ALDH1A2: variants seen among roughly 807,000 people sequenced by gnomAD.
ALDH1A2 encodes the protein aldehyde dehydrogenase 1 family member A2.
In ALDH1A2, 27 loss-of-function variants were observed where a neutral mutation model predicts 60.3. The ratio of observed to expected loss-of-function variants is 0.45; its 90% CI spans 0.33 to 0.62. The LOEUF (loss-of-function observed/expected upper bound fraction) is 0.62, where lower values mean the gene tolerates loss of function less well. Ranked by LOEUF, ALDH1A2 falls within the 20% of genes least tolerant of loss-of-function variation. The probability of loss-of-function intolerance (pLI) is 0.02; values close to 1 mark genes in which losing one functional copy is unlikely to be tolerated. For missense variants in ALDH1A2, 581 were observed against 643.8 expected (o/e 0.90, Z 1.06); for synonymous variants, 289 against 232.4 (o/e 1.24, Z -2.21).
At chr15:57,960,959 A>C in intron 11 of ALDH1A2, 115 bp from the exon 12 acceptor site, 2 of 1,337,874 alleles carry the variant, frequency 1.5e-6, no homozygotes, top group Non-Finnish European at 2.1e-6. Context: ...CCAGAGGAAA[A>C]AATTGTAATT....
Position 57,995,530 on chromosome 15 carries a change from T to C in ALDH1A2, c.494-391A>G, listed in dbSNP as rs147741410. 9.2e-5 allele frequency among the ~76,000 whole-genome samples: 14 copies of C among 152,206 alleles called. No homozygotes were observed. In the East Asian group the frequency reaches 2.5e-3, roughly 27 times the overall value. ...TGAGTCAACAAACCTTTAAATAACT[T>C]TCTGAAGTATTAAAATAAACTAAGT... is the stretch of plus-strand genomic sequence containing the variant. On this transcript the variant is annotated intron_variant, in intron 4 of 12. Coordinates refer to ENST00000249750, the MANE Select transcript of ALDH1A2 (RefSeq NM_003888.4).
chr15:58,022,907 T>A (rs1259084608), intron 1 of ALDH1A2, among the ~76,000 whole-genome samples: 1 of 152,196 alleles, frequency 6.6e-6, no homozygotes, highest in African/African-American at 2.4e-5. Flanking sequence ...CCAACTGTTA[T>A]ACCAGATGTG....
intron 9 of ALDH1A2, among the ~76,000 whole-genome samples, chr15:57,962,719 T>C (rs1363134768): frequency 6.6e-6 from 1 of 151,656 alleles, no homozygotes; most frequent in East Asian, 1.9e-4. Context: ...AAAAACAAGG[T>C]CAGTCTTCCC....
chr15:57,974,432 CAAAA>C (rs61170362), intron 7 of ALDH1A2, among the ~76,000 whole-genome samples: 6 of 96,720 alleles, frequency 6.2e-5, no homozygotes, highest in Admixed American at 4.7e-4. Flanking sequence ...GACTCCATCT[CAAAA>C]AAAAAAAAAA....
intron 7 of ALDH1A2, among the ~76,000 whole-genome samples, chr15:57,971,967 C>G (rs1321467777): frequency 6.6e-6 from 1 of 152,156 alleles, no homozygotes; most frequent in Admixed American, 6.5e-5. Context: ...TGGGCTCACA[C>G]GATCTTCTGG....
intron 7 of ALDH1A2, among the ~76,000 whole-genome samples, chr15:57,972,394 G>C (rs924596850): frequency 1.1e-4 from 17 of 152,154 alleles, no homozygotes; most frequent in African/African-American, 4.1e-4. Flanking sequence ...TGTTACATAA[G>C]ACTCTATTTC....
At chr15:58,064,206 C>G (rs943013970) in intron 1 of ALDH1A2, among the ~76,000 whole-genome samples, 16 of 152,174 alleles carry the variant, frequency 1.1e-4, no homozygotes, top group Admixed American at 1.0e-3. Context: ...GTTCCTAAAC[C>G]CAGACAAGTG....
At chr15:57,988,829 G>A (rs1894798046) in intron 7 of ALDH1A2, among the ~76,000 whole-genome samples, 1 of 152,146 alleles carries the variant, frequency 6.6e-6, no homozygotes, top group African/African-American at 2.4e-5. Flanking sequence ...TTCTTGTCTG[G>A]CCTGAAAGAG....
chr15:58,063,530 G>C (rs1277130692), intron 1 of ALDH1A2, among the ~76,000 whole-genome samples: 2 of 151,968 alleles, frequency 1.3e-5, no homozygotes, highest in Non-Finnish European at 2.9e-5. Flanking sequence ...GATACCAAAA[G>C]AGCAGCTTCT....
At chr15:57,990,005 A>G (rs1439680691) in intron 7 of ALDH1A2, among the ~76,000 whole-genome samples, 1 of 59,472 alleles carries the variant, frequency 1.7e-5, no homozygotes, top group African/African-American at 4.9e-5. Flanking sequence ...GTCTCAAAAA[A>G]AAAAAAAAAA....
intron 7 of ALDH1A2, among the ~76,000 whole-genome samples, chr15:57,972,261 C>T (rs1894094422): frequency 2.0e-5 from 3 of 152,302 alleles, no homozygotes; most frequent in Middle Eastern, 3.4e-3. Flanking sequence ...GGCTCTTCTC[C>T]CTCCTCTTCT....
rs1170772271 is a variant in ALDH1A2, at chr15:58,013,968, G to A, written c.253C>T (p.Arg85Cys). 11 of 1,614,040 alleles carry A rather than the reference G, an allele frequency of 6.8e-6. No homozygotes were observed. In the East Asian group the frequency reaches 8.9e-5, roughly 13 times the overall value. The change falls in exon 3 of 13, where the codon CGC (arginine) becomes TGC (cysteine). Residue 85 changes from arginine (R) to cysteine (C), a missense_variant. Arg to Cys is a radical substitution (Grantham distance 180, BLOSUM62 -3). This residue lies in a region of ALDH1A2 where 206 missense variants were observed against 174.1 expected (regional missense o/e 1.18). Coordinates refer to ENST00000249750, the MANE Select transcript of ALDH1A2 (RefSeq NM_003888.4). Reference protein sequence around the residue: ...ADIDKAVQAARLAFSLGSVWR... With the variant: ...ADIDKAVQAACLAFSLGSVWR... ...ACTGAACCAAGAGAGAAAGCCAGGC[G>A]GGCTGCCTGCACTGCTTTGTCTATA... is the stretch of plus-strand genomic sequence containing the variant.
chr15:58,062,634 C>G (rs1224764196), intron 1 of ALDH1A2, among the ~76,000 whole-genome samples: 1 of 152,148 alleles, frequency 6.6e-6, no homozygotes, highest in Non-Finnish European at 1.5e-5. Context: ...CTCTTGGTAC[C>G]AAATTGGTCC....
At chr15:57,989,680 A>ATGT (rs1894828067) in intron 7 of ALDH1A2, among the ~76,000 whole-genome samples, 1 of 45,926 alleles carries the variant, frequency 2.2e-5, no homozygotes, top group South Asian at 3.8e-4. Flanking sequence ...GCATCATGTA[A>ATGT]TGTTATATTC....
At chr15:57,988,186 A>G (rs1343011188) in intron 7 of ALDH1A2, among the ~76,000 whole-genome samples, 1 of 152,226 alleles carries the variant, frequency 6.6e-6, no homozygotes, top group Non-Finnish European at 1.5e-5. Flanking sequence ...ATAGGGCAAC[A>G]ATAACACAAA....
At chr15:58,062,883 A>C (rs1897079439) in intron 1 of ALDH1A2, among the ~76,000 whole-genome samples, 1 of 152,242 alleles carries the variant, frequency 6.6e-6, no homozygotes, top group Non-Finnish European at 1.5e-5. Flanking sequence ...CTAAAAGTCC[A>C]TACACAACCA....
chr15:58,007,616 C>T (rs1489224854), intron 4 of ALDH1A2, among the ~76,000 whole-genome samples: 1 of 152,004 alleles, frequency 6.6e-6, no homozygotes, highest in East Asian at 1.9e-4. Flanking sequence ...CACACAGAAT[C>T]ACATAGATAT....
chr15:58,049,834 T>C (rs568466624), intron 1 of ALDH1A2, among the ~76,000 whole-genome samples: 47 of 152,164 alleles, frequency 3.1e-4, no homozygotes, highest in African/African-American at 1.1e-3. Context: ...TGTACCCCCC[T>C]GTCTTGAAAA....
intron 7 of ALDH1A2, among the ~76,000 whole-genome samples, chr15:57,970,640 AT>A (rs1186762733): frequency 2.0e-5 from 3 of 151,834 alleles, no homozygotes; most frequent in African/African-American, 4.8e-5. Flanking sequence ...GTTGGGTAAA[AT>A]TTTTTTTTAT....
Sources: allele counts gnomAD v4.1 joint callset (sites outside exome capture counted in the v4.1 genomes callset), GRCh38; gene constraint gnomAD v4.1.1; regional missense constraint gnomAD v4.1.1; transcripts MANE v1.5; gene names NCBI Gene and HGNC (gene_info 2026-07-23, HGNC 2026-07-21).